ZC3H18: variants seen among roughly 807,000 people sequenced by gnomAD.
The protein encoded by ZC3H18 is zinc finger CCCH domain-containing protein 18.
ZC3H18 carries 8 observed loss-of-function variants against 106.1 expected under a neutral mutation model. That is an observed-to-expected ratio of 0.08 (90% CI 0.04 to 0.14). The LOEUF (loss-of-function observed/expected upper bound fraction) is 0.14. Ranked by LOEUF, ZC3H18 falls within the 10% of genes least tolerant of loss-of-function variation. The pLI, the probability that ZC3H18 is intolerant of heterozygous loss-of-function variation, is 1.00. For missense variants in ZC3H18, 1,318 were observed against 1,278.4 expected (o/e 1.03, Z -0.47); for synonymous variants, 635 against 522.1 (o/e 1.22, Z -2.95).
intron 3 of ZC3H18, among the ~76,000 whole-genome samples, chr16:88,591,265 TGGCC>T (rs1320668368): frequency 6.6e-6 from 1 of 150,880 alleles, no homozygotes; most frequent in Non-Finnish European, 1.5e-5. Flanking sequence ...TCACTGCACC[TGGCC>T]TTCTGTCTTT....
At chr16:88,613,999 C>A (rs1009131899) in intron 8 of ZC3H18, among the ~76,000 whole-genome samples, 1 of 152,176 alleles carries the variant, frequency 6.6e-6, no homozygotes, top group Admixed American at 6.5e-5. Flanking sequence ...TGTCACCGTC[C>A]CCGTGGGGGT....
intron 2 of ZC3H18, 138 bp downstream of exon 2, chr16:88,577,864 GT>G (rs1262795547): frequency 6.7e-7 from 1 of 1,495,176 alleles, no homozygotes; most frequent in African/African-American, 1.4e-5. Flanking sequence ...TGAGAGGCTT[GT>G]TTTGGGTTCA....
In ZC3H18 at chr16:88,599,906, G is replaced by A. The variant is rs542179119; in HGVS notation, c.1046G>A (p.Arg349Gln). 20 of 1,614,198 alleles carry A rather than the reference G, an allele frequency of 1.2e-5. No homozygotes were observed. The highest frequency in any genetic ancestry group is 2.2e-5 in the East Asian group (1 of 44,882). The change falls in exon 6 of 18, where the codon CGA (arginine) becomes CAA (glutamine). Residue 349 changes from arginine (R) to glutamine (Q), a missense_variant. By Grantham distance (43) the Arg-to-Gln change is conservative (BLOSUM62 1). Transcript: ENST00000301011. ...TTTGACAAAGAAAATGAAGTTTTTC[G>A]AGATTGGAATTCTCGGATCCCGAGA... ...REFDKENEVF[R>Q]DWNSRIPRDV...
At position 88,628,076 on chromosome 16, in the gene ZC3H18, C is replaced by T. The variant is rs747881414; in HGVS notation, c.2426C>T (p.Thr809Ile). 2 of 1,614,086 alleles carry T rather than the reference C, an allele frequency of 1.2e-6. No homozygotes were observed. Among genetic ancestry groups the T allele is most frequent in the South Asian group, 1.1e-5 (1 of 91,088 alleles). ...CCCCCCGGGCAGCCCCAGCAGGGCACATTTGTGGCCCACAAGGAGATCAAG... is the reference window on the plus strand; with the variant it reads ...CCCCCCGGGCAGCCCCAGCAGGGCATATTTGTGGCCCACAAGGAGATCAAG... ...QAPPGQPQQGTFVAHKEIKLT... is the reference protein window; with the variant it reads ...QAPPGQPQQGIFVAHKEIKLT... Residue 809 changes from threonine to isoleucine, a missense_variant, in exon 15 of 18, where the codon ACA (threonine) becomes ATA (isoleucine). Around this residue, in one of 6 missense-constraint regions of ZC3H18, gnomAD observed 848 missense variants for 821.7 expected, o/e 1.03. Coordinates refer to ENST00000301011, the MANE Select transcript of ZC3H18 (RefSeq NM_144604.4).
intron 6 of ZC3H18, among the ~76,000 whole-genome samples, chr16:88,601,907 A>G (rs926792575): frequency 1.3e-5 from 2 of 152,100 alleles, no homozygotes; most frequent in Non-Finnish European, 2.9e-5. Context: ...AGTGGAAAGA[A>G]CTGTCAGGGT....
At chr16:88,578,749 T>C (rs536407692) in intron 2 of ZC3H18, among the ~76,000 whole-genome samples, 8 of 152,284 alleles carry the variant, frequency 5.3e-5, no homozygotes, top group Non-Finnish European at 7.4e-5. Flanking sequence ...TGGAGTGCAG[T>C]GGCGCCATCT....
At chr16:88,604,171 G>T (rs150248125) in intron 6 of ZC3H18, among the ~76,000 whole-genome samples, 2 of 152,106 alleles carry the variant, frequency 1.3e-5, no homozygotes, top group Non-Finnish European at 2.9e-5. Flanking sequence ...GGACAACATG[G>T]CAAAACCCCA....
intron 2 of ZC3H18, among the ~76,000 whole-genome samples, chr16:88,582,186 C>T (rs1357575527): frequency 2.1e-5 from 3 of 145,692 alleles, no homozygotes; most frequent in Admixed American, 6.8e-5. Flanking sequence ...TTAATATTTT[C>T]TCCTGTTTAA....
intron 9 of ZC3H18, chr16:88,622,745 C>T (rs562751908): frequency 6.8e-6 from 2 of 293,946 alleles, no homozygotes; most frequent in East Asian, 8.5e-5. Flanking sequence ...GAAACTGTTG[C>T]CCCTCCACCT....
At chr16:88,592,791 A>AC (rs1665006274) in intron 3 of ZC3H18, among the ~76,000 whole-genome samples, 1 of 152,256 alleles carries the variant, frequency 6.6e-6, no homozygotes, top group African/African-American at 2.4e-5. Flanking sequence ...TTCACCATGC[A>AC]CTGGCATTTC....
rs1906668875 is a variant in ZC3H18 at position 88,631,168 on chromosome 16, G to C, written c.2731G>C (p.Asp911His). ...CACGAGCGTGCCCGGCAAAGCCTCG[G>C]ATCCCGGCGCCGCCAGCACCAAATC... Reference protein sequence around the residue: ...KVTSVPGKASDPGAASTKSGK... With the variant: ...KVTSVPGKASHPGAASTKSGK... The change falls in exon 18 of 18, where the codon GAT becomes CAT. Residue 911 changes from aspartate (D) to histidine (H), a missense_variant. Around this residue, in one of 6 missense-constraint regions of ZC3H18, gnomAD observed 848 missense variants for 821.7 expected, o/e 1.03. Coordinates refer to ENST00000301011, the MANE Select transcript of ZC3H18 (RefSeq NM_144604.4). 3.7e-6 allele frequency: 6 copies of C among 1,613,490 alleles called. No homozygotes were observed. The highest frequency in any genetic ancestry group is 5.1e-6 in the Non-Finnish European group (6 of 1,180,040).
At chr16:88,588,640 G>C (rs1915572251) in intron 3 of ZC3H18, among the ~76,000 whole-genome samples, 2 of 152,212 alleles carry the variant, frequency 1.3e-5, no homozygotes, top group South Asian at 4.1e-4. Flanking sequence ...CAGCAAGTGA[G>C]ACCATGTGGA....
rs764551985 is a variant in ZC3H18, at chr16:88,624,638, C to G, written c.1935C>G (p.Ala645=). ...KSVKKPAPPP[A]PPQATKTTAP... is the part of the protein sequence containing the mutation. ...TGAAGAAGCCGGCCCCGCCTCCAGC[C>G]CCACCACAGGCCACCAAAACCACTG... The change falls in exon 12 of 18, where the codon GCC becomes GCG. Residue 645 remains alanine, a synonymous_variant. Coordinates refer to ENST00000301011, the MANE Select transcript of ZC3H18 (RefSeq NM_144604.4). The G allele has an allele frequency of 1.2e-6, 2 of 1,613,910 alleles. No homozygotes were observed. Among genetic ancestry groups the G allele is most frequent in the African/African-American group, 2.7e-5 (2 of 74,932 alleles).
At chr16:88,623,692 G>A in intron 10 of ZC3H18, 1 of 584,484 alleles carries the variant, frequency 1.7e-6, no homozygotes, top group Admixed American at 3.4e-5. Flanking sequence ...CAAGGAGCCT[G>A]TCTCCTCCTG....
At chr16:88,589,091 C>G (rs1915599162) in intron 3 of ZC3H18, among the ~76,000 whole-genome samples, 1 of 152,124 alleles carries the variant, frequency 6.6e-6, no homozygotes, top group Non-Finnish European at 1.5e-5. Context: ...TTCTGCCTAC[C>G]TGCAGTTTAT....
At position 88,621,691 on chromosome 16, in the gene ZC3H18, A is replaced by G. The variant is rs571836353; in HGVS notation, c.1476-506A>G. On this transcript the variant is annotated intron_variant, in intron 8 of 17. Transcript: ENST00000301011. ...ATTTTTAATAGAGACAGGTTTCACC[A>G]TATTGGCCAGGCTGATCTGGAACTC... 4.4e-4 allele frequency among the ~76,000 whole-genome samples: 67 copies of G among 151,952 alleles called. 1 individual carries two copies. Among genetic ancestry groups the G allele is most frequent in the Non-Finnish European group, 1.5e-4 (10 of 68,024 alleles).
At chr16:88,612,451 G>A (rs1905324038) in intron 8 of ZC3H18, among the ~76,000 whole-genome samples, 1 of 150,724 alleles carries the variant, frequency 6.6e-6, no homozygotes, top group African/African-American at 2.4e-5. Context: ...ATTGCTTGAA[G>A]CCAGGAGTTT....
At chr16:88,585,077 C>G (rs1915357956) in intron 2 of ZC3H18, among the ~76,000 whole-genome samples, 1 of 152,222 alleles carries the variant, frequency 6.6e-6, no homozygotes, top group Admixed American at 6.5e-5. Context: ...AAGACACAAA[C>G]TAAAAGACCA....
intron 3 of ZC3H18, among the ~76,000 whole-genome samples, chr16:88,591,957 A>G (rs56005824): frequency 0.022 from 2,348 of 107,312 alleles, no homozygotes; most frequent in South Asian, 0.037. Context: ...TGGTGGTTGT[A>G]TGTTTCATCT....
Sources: gnomAD v4.1 joint callset for allele counts (sites outside exome capture counted in the v4.1 genomes callset) on GRCh38, gnomAD v4.1.1 for gene constraint, gnomAD v4.1.1 regional missense constraint, MANE v1.5 for transcripts, NCBI Gene and HGNC (gene_info 2026-07-23, HGNC 2026-07-21) for gene names.